Variants in IL1RAPL1 observed in about 807,000 individuals in gnomAD.
The protein encoded by IL1RAPL1 is interleukin-1 receptor accessory protein-like 1.
Under a neutral mutation model 48.4 loss-of-function variants are expected in IL1RAPL1, and 3 were observed. The observed-to-expected ratio is 0.06, with a 90% confidence interval of 0.03 to 0.16. The LOEUF (loss-of-function observed/expected upper bound fraction) is 0.16. Ranked by LOEUF, IL1RAPL1 falls within the 10% of genes least tolerant of loss-of-function variation. The probability of loss-of-function intolerance (pLI) is 1.00; values close to 1 mark genes in which losing one functional copy is unlikely to be tolerated. For synonymous variants in IL1RAPL1, 185 were observed against 187.7 expected, an observed-to-expected ratio of 0.99 and a Z score of 0.12; for missense variants, 349 against 530.6, an observed-to-expected ratio of 0.66 and a Z score of 3.36.
intron 5 of IL1RAPL1, among the ~76,000 whole-genome samples, chrX:29,659,407 C>A (rs1421343196): frequency 8.9e-6 from 1 of 111,805 alleles, no homozygotes; most frequent in Non-Finnish European, 1.9e-5. Flanking sequence ...GAATAGTATT[C>A]CAATGTGTAC....
chrX:28,612,487 G>C (rs12845963), intron 1 of IL1RAPL1, among the ~76,000 whole-genome samples: 1 of 111,876 alleles, frequency 8.9e-6, no homozygotes, highest in Admixed American at 9.4e-5. Flanking sequence ...GGTTCCCCTA[G>C]ACTCCTTGTC....
intron 1 of IL1RAPL1, among the ~76,000 whole-genome samples, chrX:28,630,358 T>C (rs1395184878): frequency 1.8e-5 from 2 of 111,942 alleles, no homozygotes; most frequent in African/African-American, 6.5e-5. Flanking sequence ...AGGACACTTC[T>C]GTTCAGTTTG....
intron 6 of IL1RAPL1, among the ~76,000 whole-genome samples, chrX:29,787,507 A>G (rs1273256500): frequency 8.9e-6 from 1 of 111,999 alleles, no homozygotes; most frequent in Non-Finnish European, 1.9e-5. Context: ...CTAGTAGAGG[A>G]AGCCAGTCCC....
At chrX:29,549,448 T>C (rs1044241662) in intron 5 of IL1RAPL1, among the ~76,000 whole-genome samples, 5 of 111,630 alleles carry the variant, frequency 4.5e-5, no homozygotes, top group Admixed American at 3.8e-4. Flanking sequence ...TATTTTATTA[T>C]TAGTTATCGT....
intron 6 of IL1RAPL1, among the ~76,000 whole-genome samples, chrX:29,843,704 C>T (rs1931185013): frequency 9.0e-6 from 1 of 110,746 alleles, no homozygotes; most frequent in Non-Finnish European, 1.9e-5. Context: ...ACTGTTTACT[C>T]CATCTTCAAA....
At chrX:29,815,397 T>C (rs995715189) in intron 6 of IL1RAPL1, among the ~76,000 whole-genome samples, 5 of 111,748 alleles carry the variant, frequency 4.5e-5, no homozygotes, top group Non-Finnish European at 7.5e-5. Context: ...TATTGGTATA[T>C]AGAAGTGCTA....
chrX:28,968,932 C>T (rs1347460851), intron 2 of IL1RAPL1, among the ~76,000 whole-genome samples: 2 of 112,412 alleles, frequency 1.8e-5, no homozygotes, highest in Non-Finnish European at 3.8e-5. Flanking sequence ...ACTTTTTAGA[C>T]TAATTTATTG....
intron 2 of IL1RAPL1, among the ~76,000 whole-genome samples, chrX:28,895,998 G>A (rs765140315): frequency 8.9e-6 from 1 of 112,277 alleles, no homozygotes; most frequent in Non-Finnish European, 1.9e-5. Context: ...GGCTTAGGAG[G>A]AATCCCGGGC....
intron 6 of IL1RAPL1, among the ~76,000 whole-genome samples, chrX:29,900,804 G>A (rs181023785): frequency 1.3e-4 from 15 of 111,918 alleles, no homozygotes; most frequent in African/African-American, 4.9e-4. Flanking sequence ...ATATGGCCAT[G>A]ATTTTATTCT....
chrX:29,767,068 C>T (rs1176573249), intron 6 of IL1RAPL1, among the ~76,000 whole-genome samples: 1 of 111,002 alleles, frequency 9.0e-6, no homozygotes, highest in Non-Finnish European at 1.9e-5. Context: ...GATGACATGT[C>T]CATTTGATCT....
chrX:29,318,755 T>C (rs1456032684), intron 3 of IL1RAPL1, among the ~76,000 whole-genome samples: 2 of 112,401 alleles, frequency 1.8e-5, no homozygotes, highest in East Asian at 5.5e-4. Context: ...ATAACTGTGA[T>C]ACCATAAGTG....
intron 2 of IL1RAPL1, among the ~76,000 whole-genome samples, chrX:29,071,390 G>T (rs1201017588): frequency 8.9e-6 from 1 of 111,934 alleles, no homozygotes; most frequent in African/African-American, 3.2e-5. Context: ...AGACATAGCT[G>T]CCATTTCTCA....
At chrX:28,956,101 A>G (rs917927360) in intron 2 of IL1RAPL1, among the ~76,000 whole-genome samples, 1 of 107,546 alleles carries the variant, frequency 9.3e-6, no homozygotes, top group Non-Finnish European at 1.9e-5. Context: ...TGATTTTTGT[A>G]CATTGATTTT....
intron 5 of IL1RAPL1, among the ~76,000 whole-genome samples, chrX:29,517,884 G>T (rs1935463421): frequency 9.0e-6 from 1 of 111,714 alleles, no homozygotes; most frequent in African/African-American, 3.3e-5. Context: ...TGTCTTTTAT[G>T]AACTTCTGCT....
intron 3 of IL1RAPL1, among the ~76,000 whole-genome samples, chrX:29,293,619 A>G (rs1290353513): frequency 1.8e-5 from 2 of 111,377 alleles, no homozygotes; most frequent in African/African-American, 6.5e-5. Flanking sequence ...CTTTTCAACC[A>G]TGGATATAAC....
intron 6 of IL1RAPL1, among the ~76,000 whole-genome samples, chrX:29,804,079 A>G (rs1436362621): frequency 5.4e-5 from 6 of 111,597 alleles, no homozygotes; most frequent in African/African-American, 2.0e-4. Flanking sequence ...ATAAAATCAG[A>G]CCCTTGATTG....
chrX:29,550,161 C>T (rs1480188257), intron 5 of IL1RAPL1, among the ~76,000 whole-genome samples: 1 of 111,386 alleles, frequency 9.0e-6, no homozygotes, highest in Non-Finnish European at 1.9e-5. Context: ...AAAAGCATCA[C>T]TAATTTAATT....
intron 5 of IL1RAPL1, among the ~76,000 whole-genome samples, chrX:29,551,131 G>GC (rs1330014700): frequency 3.6e-5 from 4 of 112,045 alleles, no homozygotes; most frequent in African/African-American, 1.3e-4. Context: ...GCATGTTGTA[G>GC]CATGTATCAG....
In IL1RAPL1 at chrX:29,283,204, G is replaced by A. The variant is rs778199033; in HGVS notation, c.349G>A (p.Ala117Thr). Residue 117 changes from alanine to threonine, a missense_variant, in exon 3 of 11, where the codon GCC (alanine) becomes ACC (threonine). Physicochemically the swap from Ala to Thr is moderately conservative, Grantham distance 58. Around this residue, in one of 3 missense-constraint regions of IL1RAPL1, gnomAD observed 238 missense variants for 337.8 expected, o/e 0.70. Coordinates refer to ENST00000378993, the MANE Select transcript of IL1RAPL1 (RefSeq NM_014271.4). The part of the protein sequence containing the change: ...PTLLQDSGLY[A>T]CVIRNSTYCM... Reference sequence around the variant, plus strand: ...ATTGCTACAGGACAGTGGTCTCTACGCCTGTGTCATCAGGTATCCCTTTAA... The same window carrying A: ...ATTGCTACAGGACAGTGGTCTCTACACCTGTGTCATCAGGTATCCCTTTAA... 6 of 1,210,808 alleles carry A rather than the reference G, an allele frequency of 5.0e-6. No homozygotes were observed. The highest frequency in any genetic ancestry group is 5.6e-6 in the Non-Finnish European group (5 of 894,669).
Sources: allele counts gnomAD v4.1 joint callset (sites outside exome capture counted in the v4.1 genomes callset), GRCh38; gene constraint gnomAD v4.1.1; regional missense constraint gnomAD v4.1.1; transcripts MANE v1.5; gene names NCBI Gene and HGNC (gene_info 2026-07-23, HGNC 2026-07-21).